The following FARSB variants were observed in gnomAD, a reference collection of about 807,000 sequenced individuals.
FARSB encodes phenylalanyl-tRNA synthetase subunit beta.
FARSB carries 40 observed loss-of-function variants against 69.6 expected under a neutral mutation model. The observed-to-expected ratio is 0.57, with a 90% CI of 0.45 to 0.75. The LOEUF is 0.75. Among genes scored for constraint, FARSB ranks in the 30% least tolerant of loss-of-function variants. The pLI, the probability that FARSB is intolerant of heterozygous loss-of-function variation, is 0.00. For synonymous variants in FARSB, 235 were observed against 247.2 expected, an observed-to-expected ratio of 0.95 and a Z score of 0.46; for missense variants, 632 against 722.9, an observed-to-expected ratio of 0.87 and a Z score of 1.44.
At chr2:222,619,850 C>T in intron 13 of FARSB, 113 bp from the exon 14 acceptor site, 1 of 583,564 alleles carries the variant, frequency 1.7e-6, no homozygotes, top group South Asian at 2.3e-5. Flanking sequence ...CTACACATAT[C>T]AGCAAGTTAA....
intron 13 of FARSB, among the ~76,000 whole-genome samples, chr2:222,621,315 G>A (rs1480924153): frequency 6.6e-6 from 1 of 152,176 alleles, no homozygotes; most frequent in South Asian, 2.1e-4. Context: ...TTGAGACAGA[G>A]TCTCACCCTG....
chr2:222,624,754 T>C lies in FARSB; in HGVS notation c.922A>G (p.Met308Val), dbSNP rs762160424. 5.0e-6 allele frequency: 8 copies of C among 1,603,876 alleles called. No homozygotes were observed. The Middle Eastern group carries it at 6.6e-4, about 133-fold the overall frequency. The change falls in exon 11 of 17, where the codon ATG (methionine) becomes GTG (valine). Residue 308 changes from methionine (M) to valine (V), a missense_variant. Transcript: ENST00000281828. ...TFPELAYRKE[M>V]VRADLINKKV... ...TTGTTAATTAGGTCAGCTCTCACCA[T>C]CTCCTTTCGGTAAGCTAATTCCTTA...
intron 16 of FARSB, among the ~76,000 whole-genome samples, chr2:222,590,120 G>T (rs545247991): frequency 6.6e-6 from 1 of 152,260 alleles, no homozygotes; most frequent in South Asian, 2.1e-4. Flanking sequence ...CAACCCAAAT[G>T]TCCATCAATG....
At chr2:222,640,135 G>T (rs756198797) in intron 4 of FARSB, among the ~76,000 whole-genome samples, 1 of 152,104 alleles carries the variant, frequency 6.6e-6, no homozygotes, top group African/African-American at 2.4e-5. Flanking sequence ...TTTTTTTAAG[G>T]GCTAGGGGCT....
intron 16 of FARSB, among the ~76,000 whole-genome samples, chr2:222,583,262 A>G (rs1436040658): frequency 6.6e-6 from 1 of 152,250 alleles, no homozygotes; most frequent in Non-Finnish European, 1.5e-5. Flanking sequence ...TAGAAACAGT[A>G]TATTTACATA....
At chr2:222,585,327 A>G (rs1371446910) in intron 16 of FARSB, among the ~76,000 whole-genome samples, 2 of 152,248 alleles carry the variant, frequency 1.3e-5, no homozygotes. Flanking sequence ...TAGCATCAAC[A>G]TCAACAAAAA....
intron 5 of FARSB, among the ~76,000 whole-genome samples, chr2:222,639,186 G>A (rs1244283882): frequency 6.6e-6 from 1 of 152,146 alleles, no homozygotes; most frequent in Non-Finnish European, 1.5e-5. Context: ...TTTTAAAAAT[G>A]ATATATCATA....
chr2:222,645,430 C>A lies in FARSB; in HGVS notation c.115-2425G>T, dbSNP rs1191871812. ...ACAAATAGATTAGTACAAAGATGATCTTTCTGTAACATTAGTAAGGCAGCA... is the reference window on the plus strand; with the variant it reads ...ACAAATAGATTAGTACAAAGATGATATTTCTGTAACATTAGTAAGGCAGCA... On this transcript the variant is annotated intron_variant, in intron 2 of 16. Transcript: ENST00000281828. Among the ~76,000 whole-genome samples the A allele has an allele frequency of 3.9e-5, 6 of 152,212 alleles. No homozygotes were observed. In the East Asian group the frequency reaches 1.2e-3, roughly 29 times the overall value.
In FARSB at chr2:222,596,423, A is replaced by G. The variant is rs138476601; in HGVS notation, c.1618+3505T>C. 1.4e-3 allele frequency among the ~76,000 whole-genome samples: 220 copies of G among 152,318 alleles called. 1 individual carries two copies. Among genetic ancestry groups the G allele is most frequent in the Admixed American group, 0.013 (192 of 15,290 alleles). Reference sequence around the variant, plus strand: ...AAGCTTAGTAGTGTACATTAAAAGGACAGGAAGAAATAGGTATAAGTGCCG... The same window carrying G: ...AAGCTTAGTAGTGTACATTAAAAGGGCAGGAAGAAATAGGTATAAGTGCCG... On this transcript the variant is annotated intron_variant, in intron 16 of 16. Transcript: ENST00000281828.
chr2:222,636,769 C>T lies in FARSB; in HGVS notation c.456-2228G>A, dbSNP rs150307899. 1.4e-3 allele frequency among the ~76,000 whole-genome samples: 220 copies of T among 152,268 alleles called. 1 individual carries two copies. The highest frequency in any genetic ancestry group is 0.013 in the Admixed American group (193 of 15,296). Reference sequence around the variant, plus strand: ...ATCTAGCTAAGTATTCAAGTCTTTGCCTGAAAGAACAAAAACCACTCTTCA... The same window carrying T: ...ATCTAGCTAAGTATTCAAGTCTTTGTCTGAAAGAACAAAAACCACTCTTCA... On this transcript the variant is annotated intron_variant, in intron 5 of 16. Transcript: ENST00000281828.
intron 16 of FARSB, among the ~76,000 whole-genome samples, chr2:222,587,395 A>G (rs532956411): frequency 6.6e-6 from 1 of 152,354 alleles, no homozygotes; most frequent in South Asian, 2.1e-4. Context: ...AATGCCCACA[A>G]GAGAAAGCAG....
At chr2:222,621,867 T>A (rs148547240) in intron 13 of FARSB, among the ~76,000 whole-genome samples, 6 of 152,252 alleles carry the variant, frequency 3.9e-5, no homozygotes, top group Non-Finnish European at 7.3e-5. Flanking sequence ...ATCTTTAATG[T>A]TGAAATTCCT....
chr2:222,578,541 A>C (rs901631504), intron 16 of FARSB, among the ~76,000 whole-genome samples: 1 of 152,216 alleles, frequency 6.6e-6, no homozygotes, highest in African/African-American at 2.4e-5. Flanking sequence ...CAAGTAGGGC[A>C]TGTAAAAGAA....
intron 14 of FARSB, among the ~76,000 whole-genome samples, chr2:222,617,489 CTCACT>C (rs748133178): frequency 2.0e-5 from 3 of 152,198 alleles, no homozygotes; most frequent in Non-Finnish European, 4.4e-5. Flanking sequence ...GGGTACTATG[CTCACT>C]ACTGGGTGAC....
At chr2:222,624,815 C>G (rs2106220077) in intron 10 of FARSB, 40 bp from the exon 11 acceptor site, 1 of 1,265,694 alleles carries the variant, frequency 7.9e-7, no homozygotes, top group Non-Finnish European at 1.1e-6. Context: ...CATTTCCCAT[C>G]AGATACAGCT....
At chr2:222,598,154 C>T (rs1028278997) in intron 16 of FARSB, among the ~76,000 whole-genome samples, 5 of 152,238 alleles carry the variant, frequency 3.3e-5, no homozygotes, top group African/African-American at 9.6e-5. Context: ...GTTGCACTTT[C>T]TTCCTCTTCG....
intron 13 of FARSB, among the ~76,000 whole-genome samples, chr2:222,621,739 G>C (rs1691141922): frequency 1.3e-5 from 2 of 152,206 alleles, no homozygotes; most frequent in South Asian, 4.1e-4. Context: ...TTTACACTTA[G>C]AAAGTCAGAG....
At chr2:222,605,720 CCA>C (rs1690687797) in intron 15 of FARSB, among the ~76,000 whole-genome samples, 1 of 151,440 alleles carries the variant, frequency 6.6e-6, no homozygotes, top group Non-Finnish European at 1.5e-5. Context: ...GAGTTTCAGA[CCA>C]GCCTGGGCAA....
chr2:222,589,253 A>G (rs1559192613), intron 16 of FARSB, among the ~76,000 whole-genome samples: 3 of 152,236 alleles, frequency 2.0e-5, no homozygotes, highest in South Asian at 2.1e-4. Context: ...ACAAAAACAA[A>G]AAATGGGGAA....
Sources: allele counts gnomAD v4.1 joint callset (sites outside exome capture counted in the v4.1 genomes callset), GRCh38; gene constraint gnomAD v4.1.1; transcripts MANE v1.5; gene names NCBI Gene and HGNC (gene_info 2026-07-23, HGNC 2026-07-21).